NUBPL: variants seen among roughly 807,000 people sequenced by gnomAD.
The protein encoded by NUBPL is NUBP iron-sulfur cluster assembly factor, mitochondrial, also known as iron-sulfur cluster transfer protein NUBPL.
In NUBPL, 31 loss-of-function variants were observed where a neutral mutation model predicts 45.7. The observed-to-expected ratio is 0.68, with a 90% confidence interval of 0.51 to 0.92. The LOEUF (loss-of-function observed/expected upper bound fraction) is 0.92, where lower values mean the gene tolerates loss of function less well. Ranked by LOEUF, NUBPL falls within the 40% of genes least tolerant of loss-of-function variation. The pLI, the probability that NUBPL is intolerant of heterozygous loss-of-function variation, is 0.00. For synonymous variants in NUBPL, 144 were observed against 140.9 expected, an observed-to-expected ratio of 1.02 and a Z score of -0.15; for missense variants, 401 against 398.7, an observed-to-expected ratio of 1.01 and a Z score of -0.05.
chr14:31,571,594 C>A (rs1235234990), intron 3 of NUBPL, among the ~76,000 whole-genome samples: 2 of 152,128 alleles, frequency 1.3e-5, no homozygotes, highest in South Asian at 2.1e-4. Flanking sequence ...GGATTACAGG[C>A]AAGCACCACC....
intron 1 of NUBPL, 100 bp from the exon 2 acceptor site, chr14:31,561,968 A>C: frequency 1.7e-6 from 2 of 1,143,372 alleles, no homozygotes; most frequent in South Asian, 1.4e-5. Context: ...TAGAAAAGAA[A>C]GCCCTCTTAA....
chr14:31,689,069 T>A (rs1030783513), intron 6 of NUBPL, among the ~76,000 whole-genome samples: 31 of 152,202 alleles, frequency 2.0e-4, no homozygotes, highest in African/African-American at 7.5e-4. Flanking sequence ...AGTCTACCAT[T>A]GATAGGCATT....
At position 31,858,313 on chromosome 14, in the gene NUBPL, T is replaced by C. The variant is rs142438742; in HGVS notation, c.898-805T>C. Reference sequence around the variant, plus strand: ...TGGGAGTTACAATTGAAGATGAGATTTGGGTGGGGACACAGCCAAACCATA... The same window carrying C: ...TGGGAGTTACAATTGAAGATGAGATCTGGGTGGGGACACAGCCAAACCATA... On this transcript the variant is annotated intron_variant, in intron 10 of 10. Transcript: ENST00000281081. Among the ~76,000 whole-genome samples, 1,298 of 152,292 alleles carry C rather than the reference T, an allele frequency of 8.5e-3. 14 individuals are homozygous for C. Among genetic ancestry groups the C allele is most frequent in the African/African-American group, 0.03 (1,231 of 41,548 alleles).
At chr14:31,600,647 A>G (rs1443926835) in intron 4 of NUBPL, among the ~76,000 whole-genome samples, 2 of 152,166 alleles carry the variant, frequency 1.3e-5, no homozygotes, top group African/African-American at 4.8e-5. Flanking sequence ...TAGATTCCGG[A>G]TATTAGCCCT....
intron 4 of NUBPL, among the ~76,000 whole-genome samples, chr14:31,604,715 G>C (rs1425569552): frequency 6.6e-6 from 1 of 152,024 alleles, no homozygotes; most frequent in Admixed American, 6.6e-5. Flanking sequence ...TGGGAGGGTG[G>C]GGGGAATTGT....
chr14:31,700,558 T>G (rs1198994418), intron 6 of NUBPL, among the ~76,000 whole-genome samples: 2 of 151,936 alleles, frequency 1.3e-5, no homozygotes, highest in African/African-American at 4.8e-5. Context: ...GAGGTGTGGG[T>G]GGGAACCGAG....
chr14:31,722,033 G>T (rs1183687774), intron 6 of NUBPL, among the ~76,000 whole-genome samples: 2 of 151,880 alleles, frequency 1.3e-5, no homozygotes, highest in Non-Finnish European at 2.9e-5. Context: ...GTCTCGTTCT[G>T]TCGCCCAGGC....
intron 4 of NUBPL, among the ~76,000 whole-genome samples, chr14:31,623,212 T>A (rs1275858222): frequency 6.6e-6 from 1 of 152,230 alleles, no homozygotes; most frequent in African/African-American, 2.4e-5. Flanking sequence ...TTTCTCCCAT[T>A]TAGAATGGGA....
chr14:31,767,348 G>A (rs1022006610), intron 6 of NUBPL, among the ~76,000 whole-genome samples: 6 of 152,062 alleles, frequency 3.9e-5, no homozygotes, highest in African/African-American at 1.2e-4. Flanking sequence ...GACTACAGGC[G>A]CCCGCCACCA....
intron 7 of NUBPL, among the ~76,000 whole-genome samples, chr14:31,820,991 C>T (rs953687785): frequency 2.7e-5 from 4 of 149,384 alleles, no homozygotes; most frequent in Middle Eastern, 3.4e-3. Flanking sequence ...GGCATGGTGG[C>T]GCATGCCTGT....
At chr14:31,798,095 G>A (rs1033911211) in intron 7 of NUBPL, among the ~76,000 whole-genome samples, 5 of 149,136 alleles carry the variant, frequency 3.4e-5, no homozygotes, top group African/African-American at 1.0e-4. Flanking sequence ...GGTTTCTGCC[G>A]AGAGATCCGC....
chr14:31,722,774 T>C (rs1439075343), intron 6 of NUBPL, among the ~76,000 whole-genome samples: 1 of 152,218 alleles, frequency 6.6e-6, no homozygotes, highest in Non-Finnish European at 1.5e-5. Context: ...TGCCCACCTT[T>C]TAATGGGGTT....
intron 8 of NUBPL, among the ~76,000 whole-genome samples, chr14:31,834,169 G>A (rs1228410826): frequency 1.4e-5 from 2 of 146,748 alleles, no homozygotes; most frequent in African/African-American, 5.1e-5. Context: ...AGCCTACTGT[G>A]GCCTGGAACT....
chr14:31,666,958 G>A (rs1477964352), intron 4 of NUBPL, among the ~76,000 whole-genome samples: 1 of 152,126 alleles, frequency 6.6e-6, no homozygotes, highest in Non-Finnish European at 1.5e-5. Context: ...TAGGTAATCT[G>A]ACCTTTCTCT....
intron 4 of NUBPL, among the ~76,000 whole-genome samples, chr14:31,663,154 A>G (rs953269020): frequency 6.6e-6 from 1 of 152,006 alleles, no homozygotes; most frequent in African/African-American, 2.4e-5. Flanking sequence ...TGTCAGATGG[A>G]TAGATTGCAA....
intron 7 of NUBPL, among the ~76,000 whole-genome samples, chr14:31,798,934 GATAATGA>G (rs554256438): frequency 2.0e-3 from 297 of 150,792 alleles, no homozygotes; most frequent in African/African-American, 6.9e-3. Flanking sequence ...GATCAAATAA[GATAATGA>G]ATGTAAAGCC....
intron 6 of NUBPL, among the ~76,000 whole-genome samples, chr14:31,735,475 G>A (rs2038145023): frequency 6.6e-6 from 1 of 152,118 alleles, no homozygotes; most frequent in African/African-American, 2.4e-5. Flanking sequence ...ATAGGGGATT[G>A]GTGTATGTCT....
intron 7 of NUBPL, among the ~76,000 whole-genome samples, chr14:31,818,713 T>C (rs1039325392): frequency 6.6e-6 from 1 of 152,170 alleles, no homozygotes; most frequent in Admixed American, 6.5e-5. Flanking sequence ...CACGCCCGGC[T>C]AATGTTTTGT....
At chr14:31,758,734 A>T (rs951248192) in intron 6 of NUBPL, among the ~76,000 whole-genome samples, 13 of 152,152 alleles carry the variant, frequency 8.5e-5, no homozygotes, top group South Asian at 2.1e-4. Flanking sequence ...ACTCTTTTTT[A>T]AAAAAATACA....
Sources: allele counts gnomAD v4.1 joint callset (sites outside exome capture counted in the v4.1 genomes callset), GRCh38; gene constraint gnomAD v4.1.1; transcripts MANE v1.5; gene names NCBI Gene and HGNC (gene_info 2026-07-23, HGNC 2026-07-21).